The following CFAP299 variants were observed in gnomAD, a reference collection of about 807,000 sequenced individuals.
The protein encoded by CFAP299 is cilia and flagella associated protein 299.
Under a neutral mutation model 27.0 loss-of-function variants are expected in CFAP299, and 21 were observed. The ratio of observed to expected loss-of-function variants is 0.78; its 90% CI spans 0.55 to 1.12. The LOEUF is 1.12. CFAP299 is among the 50% of genes most tolerant of loss of function. CFAP299 has a pLI of 0.00. For missense variants in CFAP299, 310 were observed against 276.6 expected (o/e 1.12, Z -0.86); for synonymous variants, 104 against 98.1 (o/e 1.06, Z -0.36).
chr4:80,566,536 A>G (rs938103778), intron 2 of CFAP299, among the ~76,000 whole-genome samples: 3 of 152,082 alleles, frequency 2.0e-5, no homozygotes, highest in African/African-American at 7.2e-5. Context: ...AAAATTAGAA[A>G]AACTCAGAGA....
intron 3 of CFAP299, among the ~76,000 whole-genome samples, chr4:80,679,939 G>A (rs1486030): frequency 0.93 from 141,804 of 152,114 alleles, 66,169 homozygotes; most frequent in East Asian, 1. Flanking sequence ...AAAGTTTTCA[G>A]TTTTGATGAG....
At chr4:80,956,617 G>A (rs117094284) in intron 5 of CFAP299, among the ~76,000 whole-genome samples, 1 of 151,348 alleles carries the variant, frequency 6.6e-6, no homozygotes. Flanking sequence ...CCATGCCTAA[G>A]ATTTTCTTTT....
intron 3 of CFAP299, among the ~76,000 whole-genome samples, chr4:80,857,499 T>A (rs1731990420): frequency 6.6e-6 from 1 of 152,208 alleles, no homozygotes; most frequent in African/African-American, 2.4e-5. Flanking sequence ...TCAAAGGGAA[T>A]GCTTCCAGTT....
intron 2 of CFAP299, among the ~76,000 whole-genome samples, chr4:80,493,759 C>CTTTTTTT (rs1177389983): frequency 5.2e-5 from 4 of 76,768 alleles, no homozygotes; most frequent in Admixed American, 1.4e-4. Context: ...ATCTCATATT[C>CTTTTTTT]TTTTTTTTTT....
chr4:80,577,491 C>T (rs1735931831), intron 2 of CFAP299, among the ~76,000 whole-genome samples: 1 of 141,380 alleles, frequency 7.1e-6, no homozygotes, highest in Non-Finnish European at 1.5e-5. Flanking sequence ...CAACCTCTGC[C>T]TCCCAGGTTC....
At chr4:80,822,256 A>G (rs1729747858) in intron 3 of CFAP299, among the ~76,000 whole-genome samples, 1 of 152,190 alleles carries the variant, frequency 6.6e-6, no homozygotes, top group Non-Finnish European at 1.5e-5. Flanking sequence ...AGTAGCCTGA[A>G]AAGCCTTCAC....
intron 1 of CFAP299, among the ~76,000 whole-genome samples, chr4:80,340,722 C>T (rs1722401632): frequency 6.6e-6 from 1 of 152,216 alleles, no homozygotes; most frequent in African/African-American, 2.4e-5. Context: ...TCCCTCACCC[C>T]TCACAATGCA....
intron 4 of CFAP299, among the ~76,000 whole-genome samples, chr4:80,876,994 T>G (rs1050268842): frequency 1.3e-5 from 2 of 152,200 alleles, no homozygotes; most frequent in Non-Finnish European, 2.9e-5. Flanking sequence ...TTAACCAGGC[T>G]TTCATTTTCA....
intron 2 of CFAP299, among the ~76,000 whole-genome samples, chr4:80,563,243 C>T (rs1735126568): frequency 2.0e-5 from 3 of 152,108 alleles, no homozygotes. Context: ...CTGCGGAATA[C>T]ACATTTTTTT....
intron 3 of CFAP299, among the ~76,000 whole-genome samples, chr4:80,688,719 A>T (rs1356849729): frequency 2.0e-5 from 3 of 152,230 alleles, no homozygotes; most frequent in African/African-American, 7.2e-5. Flanking sequence ...CTGAGAGAAG[A>T]AGGCTTCAGA....
chr4:80,860,878 A>T (rs1156433778), intron 3 of CFAP299, among the ~76,000 whole-genome samples: 2 of 152,120 alleles, frequency 1.3e-5, no homozygotes, highest in Non-Finnish European at 2.9e-5. Context: ...CCACTTGAGG[A>T]GGCAGTCTGC....
intron 4 of CFAP299, among the ~76,000 whole-genome samples, chr4:80,936,725 C>A (rs544535462): frequency 8.5e-5 from 13 of 152,052 alleles, no homozygotes; most frequent in Non-Finnish European, 1.8e-4. Context: ...ATTTATACAA[C>A]AAACACCCAT....
intron 2 of CFAP299, among the ~76,000 whole-genome samples, chr4:80,369,501 T>A (rs1039372213): frequency 6.6e-6 from 1 of 152,244 alleles, no homozygotes; most frequent in South Asian, 2.1e-4. Flanking sequence ...CTCAGGCCCA[T>A]GTTGATACAT....
intron 2 of CFAP299, among the ~76,000 whole-genome samples, chr4:80,373,220 C>A (rs1329188453): frequency 6.6e-6 from 1 of 152,032 alleles, no homozygotes; most frequent in Non-Finnish European, 1.5e-5. Flanking sequence ...ATCTGACCCC[C>A]ATAAGCTTCC....
At chr4:80,601,603 C>T (rs1356199813) in intron 3 of CFAP299, among the ~76,000 whole-genome samples, 1 of 152,064 alleles carries the variant, frequency 6.6e-6, no homozygotes, top group East Asian at 1.9e-4. Flanking sequence ...TGTATTTTTT[C>T]CCCTTTTCTA....
intron 2 of CFAP299, among the ~76,000 whole-genome samples, chr4:80,519,055 G>C (rs1182618249): frequency 6.6e-6 from 1 of 152,058 alleles, no homozygotes; most frequent in Non-Finnish European, 1.5e-5. Flanking sequence ...ATTAACATTG[G>C]TGATTAAATA....
intron 3 of CFAP299, among the ~76,000 whole-genome samples, chr4:80,719,320 A>G (rs1257663756): frequency 6.6e-6 from 1 of 152,210 alleles, no homozygotes; most frequent in Non-Finnish European, 1.5e-5. Flanking sequence ...AAAAAATAAA[A>G]TAAAGAATCT....
At position 80,335,753 on chromosome 4, in the gene CFAP299, G is replaced by A; in HGVS notation, c.-16G>A. ...CTGCTTCCGTTGCTAGGGACGCTTC[G>A]GCCGAGGATACCGCAATGGATCAGG... On this transcript the variant is annotated 5_prime_UTR_variant, in exon 1 of 6. Transcript: ENST00000358105. 1 of 1,542,210 alleles carries A rather than the reference G, an allele frequency of 6.5e-7. No homozygotes were observed. The highest frequency in any genetic ancestry group is 9.0e-7 in the Non-Finnish European group (1 of 1,114,700).
At chr4:80,592,573 A>G (rs1357180614) in intron 3 of CFAP299, among the ~76,000 whole-genome samples, 1 of 152,202 alleles carries the variant, frequency 6.6e-6, no homozygotes, top group Non-Finnish European at 1.5e-5. Flanking sequence ...CTCATAAGAA[A>G]GTTTTTAATA....
Sources: allele counts gnomAD v4.1 joint callset (sites outside exome capture counted in the v4.1 genomes callset), GRCh38; gene constraint gnomAD v4.1.1; transcripts MANE v1.5; gene names NCBI Gene and HGNC (gene_info 2026-07-23, HGNC 2026-07-21).